The following KLHL13 variants were observed in gnomAD, a reference collection of about 807,000 sequenced individuals.
KLHL13 encodes the protein kelch-like protein 13.
In KLHL13, 10 loss-of-function variants were observed where a neutral mutation model predicts 37.1. The observed-to-expected ratio is 0.27, with a 90% CI of 0.17 to 0.46. The LOEUF is 0.46. Among genes scored for constraint, KLHL13 ranks in the 20% least tolerant of loss-of-function variants. The pLI is 1.00. For synonymous variants in KLHL13, 163 were observed against 181.2 expected, an observed-to-expected ratio of 0.90 and a Z score of 0.81; for missense variants, 360 against 509.3, an observed-to-expected ratio of 0.71 and a Z score of 2.82.
At chrX:118,048,904 G>T (rs186064996) in intron 1 of KLHL13, among the ~76,000 whole-genome samples, 1 of 111,863 alleles carries the variant, frequency 8.9e-6, no homozygotes, top group Admixed American at 9.6e-5. Flanking sequence ...TGACAAAACT[G>T]CTTATGATAG....
intron 1 of KLHL13, among the ~76,000 whole-genome samples, chrX:118,039,807 G>A (rs1031130320): frequency 2.7e-5 from 3 of 111,422 alleles, no homozygotes; most frequent in African/African-American, 9.8e-5. Context: ...CTAGCATCAG[G>A]TGGGACCCAG....
At chrX:118,082,862 C>T (rs755027951) in intron 1 of KLHL13, among the ~76,000 whole-genome samples, 63 of 111,496 alleles carry the variant, frequency 5.7e-4, no homozygotes, top group African/African-American at 2.0e-3. Context: ...ACTTTCCTTT[C>T]CCTCACTGAA....
intron 1 of KLHL13, among the ~76,000 whole-genome samples, chrX:118,052,641 C>T (rs1276601596): frequency 9.2e-6 from 1 of 108,582 alleles, no homozygotes; most frequent in African/African-American, 3.4e-5. Context: ...GCCTGGCCAA[C>T]ATGGTGAAAC....
intron 1 of KLHL13, among the ~76,000 whole-genome samples, chrX:118,018,244 T>C (rs921007523): frequency 6.3e-5 from 7 of 111,566 alleles, no homozygotes; most frequent in Non-Finnish European, 1.1e-4. Context: ...ACCTACCTTA[T>C]TAATTTTTCA....
At chrX:118,082,025 T>G (rs1248322956) in intron 1 of KLHL13, among the ~76,000 whole-genome samples, 2 of 109,455 alleles carry the variant, frequency 1.8e-5, no homozygotes, top group Admixed American at 9.9e-5. Context: ...GACATACAGT[T>G]AGGTTGATTT....
At chrX:117,961,011 A>C (rs2053286069) in intron 1 of KLHL13, among the ~76,000 whole-genome samples, 1 of 112,288 alleles carries the variant, frequency 8.9e-6, no homozygotes, top group African/African-American at 3.2e-5. Flanking sequence ...TTTCAAAAAA[A>C]ATAGTTTTTA....
chrX:118,017,104 A>G, intron 1 of KLHL13, among the ~76,000 whole-genome samples: 1 of 111,366 alleles, frequency 9.0e-6, no homozygotes, highest in East Asian at 2.8e-4. Context: ...CTAGCAGTAT[A>G]AGGCAGATCA....
At chrX:118,092,768 G>C (rs2055152370) in intron 1 of KLHL13, among the ~76,000 whole-genome samples, 1 of 111,181 alleles carries the variant, frequency 9.0e-6, no homozygotes. Context: ...AAATGTCACA[G>C]AACTATATAC....
intron 2 of KLHL13, among the ~76,000 whole-genome samples, chrX:117,930,915 T>G (rs1201602531): frequency 1.8e-5 from 2 of 112,322 alleles, no homozygotes; most frequent in Non-Finnish European, 3.8e-5. Context: ...TATGCCTGTT[T>G]CTTATGTTAA....
At chrX:118,062,633 G>A (rs1272453930) in intron 1 of KLHL13, among the ~76,000 whole-genome samples, 2 of 109,845 alleles carry the variant, frequency 1.8e-5, no homozygotes, top group African/African-American at 3.3e-5. Flanking sequence ...CCTGAAATAC[G>A]TACAGTTTCA....
At chrX:118,023,838 C>T (rs2054247486) in intron 1 of KLHL13, among the ~76,000 whole-genome samples, 1 of 111,881 alleles carries the variant, frequency 8.9e-6, no homozygotes, top group Non-Finnish European at 1.9e-5. Flanking sequence ...TCCCAAAGTG[C>T]TGTGATTCCA....
At chrX:118,023,330 T>C (rs1457085454) in intron 1 of KLHL13, among the ~76,000 whole-genome samples, 1 of 111,595 alleles carries the variant, frequency 9.0e-6, no homozygotes, top group Non-Finnish European at 1.9e-5. Context: ...TTTTTTCATA[T>C]TATAAGTGCA....
At chrX:118,090,544 C>T (rs2055119148) in intron 1 of KLHL13, among the ~76,000 whole-genome samples, 1 of 111,239 alleles carries the variant, frequency 9.0e-6, no homozygotes, top group Non-Finnish European at 1.9e-5. Flanking sequence ...TCATCACTGG[C>T]CATCAGAGAA....
At chrX:118,032,252 A>C (rs28875522) in intron 1 of KLHL13, among the ~76,000 whole-genome samples, 1 of 111,602 alleles carries the variant, frequency 9.0e-6, no homozygotes, top group Non-Finnish European at 1.9e-5. Context: ...GCTCAAGGAG[A>C]CCTGCCTGCC....
intron 1 of KLHL13, among the ~76,000 whole-genome samples, chrX:118,025,897 T>C (rs916797314): frequency 1.8e-5 from 2 of 111,906 alleles, no homozygotes; most frequent in Non-Finnish European, 3.8e-5. Flanking sequence ...GAAAAGTGCT[T>C]AGTTAAGATG....
At chrX:117,996,335 G>T (rs1445601123) in intron 1 of KLHL13, among the ~76,000 whole-genome samples, 1 of 111,736 alleles carries the variant, frequency 8.9e-6, no homozygotes, top group Admixed American at 9.5e-5. Flanking sequence ...TTTGTCTAAA[G>T]CTACATGACT....
chrX:118,064,472 A>T (rs1000960654), intron 1 of KLHL13, among the ~76,000 whole-genome samples: 1 of 111,787 alleles, frequency 8.9e-6, no homozygotes, highest in Admixed American at 9.5e-5. Context: ...CTGCTATTTT[A>T]AAATATTGAT....
intron 1 of KLHL13, among the ~76,000 whole-genome samples, chrX:118,022,923 G>C (rs2054235226): frequency 8.9e-6 from 1 of 111,927 alleles, no homozygotes; most frequent in African/African-American, 3.2e-5. Context: ...GTATCAAGGA[G>C]TGTTTCCCTT....
At chrX:118,003,733 A>T (rs2053951095) in intron 1 of KLHL13, among the ~76,000 whole-genome samples, 1 of 110,971 alleles carries the variant, frequency 9.0e-6, no homozygotes, top group Non-Finnish European at 1.9e-5. Context: ...GTAAATATCC[A>T]GTACAAGGGT....
Sources: gnomAD v4.1 joint callset for allele counts (sites outside exome capture counted in the v4.1 genomes callset) on GRCh38, gnomAD v4.1.1 for gene constraint, MANE v1.5 for transcripts, NCBI Gene and HGNC (gene_info 2026-07-23, HGNC 2026-07-21) for gene names.